ASS1: variants seen among roughly 807,000 people sequenced by gnomAD.
The protein encoded by ASS1 is argininosuccinate synthase.
In ASS1, 58 loss-of-function variants were observed where a neutral mutation model predicts 60.5. The observed-to-expected ratio is 0.96, with a 90% confidence interval of 0.78 to 1.19. The LOEUF (loss-of-function observed/expected upper bound fraction) is 1.19, where lower values mean the gene tolerates loss of function less well. Among genes scored for constraint, ASS1 ranks in the 50% most tolerant of loss-of-function variants. The pLI, the probability that ASS1 is intolerant of heterozygous loss-of-function variation, is 0.00. For missense variants in ASS1, 454 were observed against 547.3 expected, an observed-to-expected ratio of 0.83 and a Z score of 1.70; for synonymous variants, 200 against 206.9, an observed-to-expected ratio of 0.97 and a Z score of 0.29.
intron 13 of ASS1, among the ~76,000 whole-genome samples, chr9:130,495,851 C>A (rs1846588668): frequency 6.6e-6 from 1 of 151,944 alleles, no homozygotes; most frequent in Non-Finnish European, 1.5e-5. Flanking sequence ...GATGGAGGGT[C>A]CAGAATCACC....
At chr9:130,487,748 A>C in intron 11 of ASS1, among the ~76,000 whole-genome samples, 1 of 111,684 alleles carries the variant, frequency 9.0e-6, no homozygotes, top group Non-Finnish European at 2.0e-5. Flanking sequence ...ATGTGTCAGG[A>C]TTTCCTTCCT....
intron 8 of ASS1, among the ~76,000 whole-genome samples, chr9:130,474,578 T>A (rs544139475): frequency 6.6e-6 from 1 of 152,162 alleles, no homozygotes; most frequent in African/African-American, 2.4e-5. Context: ...TGTGGAGTTG[T>A]GTGGTCACCC....
intron 11 of ASS1, among the ~76,000 whole-genome samples, chr9:130,481,352 T>C (rs1846169095): frequency 6.6e-6 from 1 of 152,202 alleles, no homozygotes. Flanking sequence ...TGAATTTTTA[T>C]ACTGGTGGTG....
chr9:130,498,190 G>A (rs1274916886), intron 13 of ASS1, among the ~76,000 whole-genome samples: 1 of 152,180 alleles, frequency 6.6e-6, no homozygotes, highest in African/African-American at 2.4e-5. Flanking sequence ...TGTCTACAAA[G>A]AACCAGTCAG....
At chr9:130,449,505 A>C (rs1031085243) in intron 1 of ASS1, among the ~76,000 whole-genome samples, 1 of 152,044 alleles carries the variant, frequency 6.6e-6, no homozygotes, top group African/African-American at 2.4e-5. Context: ...AGGCAGGAGC[A>C]GGGGTGACTC....
intron 14 of ASS1, among the ~76,000 whole-genome samples, chr9:130,500,539 C>A (rs1846725316): frequency 6.6e-6 from 1 of 152,114 alleles, no homozygotes; most frequent in African/African-American, 2.4e-5. Context: ...AGTCTCTTGT[C>A]CCTGGAGGCA....
chr9:130,495,968 T>C (rs1348943691), intron 13 of ASS1, among the ~76,000 whole-genome samples: 1 of 152,032 alleles, frequency 6.6e-6, no homozygotes, highest in Non-Finnish European at 1.5e-5. Context: ...TGGGTTTCTT[T>C]TGAGATAGCT....
At position 130,501,231 on chromosome 9, in the gene ASS1, C is replaced by A; in HGVS notation, c.*210C>A. On this transcript the variant is annotated 3_prime_UTR_variant, in exon 15 of 15. Transcript: ENST00000352480. Reference sequence around the variant, plus strand: ...GGTGGGGGGCAGCTGCGGTGGGGAGCTATAAAAATGACAATTAAAAGAGAC... The same window carrying A: ...GGTGGGGGGCAGCTGCGGTGGGGAGATATAAAAATGACAATTAAAAGAGAC... 1 of 566,214 alleles carries A rather than the reference C, an allele frequency of 1.8e-6. No individual in the cohort carries two copies. Among genetic ancestry groups the A allele is most frequent in the South Asian group, 1.9e-5 (1 of 51,778 alleles). 35.1% of individuals were successfully genotyped at this position (566,214 alleles called of 1,614,324 possible).
chr9:130,458,881 C>T (rs751923327), intron 4 of ASS1, among the ~76,000 whole-genome samples: 4 of 152,206 alleles, frequency 2.6e-5, no homozygotes, highest in Non-Finnish European at 5.9e-5. Flanking sequence ...TGTCCAAGGT[C>T]GCATTGGCCA....
chr9:130,494,930 T>C lies in ASS1; in HGVS notation c.1034T>C (p.Val345Ala). Residue 345 changes from valine to alanine, a missense_variant, in exon 13 of 15, where the codon GTG becomes GCG. By Grantham distance (64) the Val-to-Ala change is moderately conservative. Transcript: ENST00000352480. The surrounding 1 kb of genome is among the most constrained non-coding windows in gnomAD (Gnocchi z 4.3). ...TGCATCGCCAAGTCCCAGGAGCGAG[T>C]GGAAGGGAAAGTGCAGGTGTCCGTC... Reference protein sequence around the residue: ...RHCIAKSQERVEGKVQVSVLK... With the variant: ...RHCIAKSQERAEGKVQVSVLK... 1 of 1,613,236 alleles carries C rather than the reference T, an allele frequency of 6.2e-7. No individual in the cohort carries two copies. The highest frequency in any genetic ancestry group is 8.5e-7 in the Non-Finnish European group (1 of 1,179,874).
In ASS1 at chr9:130,499,869, A is replaced by G. The variant is rs536913816; in HGVS notation, c.1193+299A>G. ...CCCGCTAAGCCACAGGGACTCCACT[A>G]TGAGCTCCTTTGCAGGGCAGGTTAA... is the stretch of plus-strand genomic sequence containing the variant. On this transcript the variant is annotated intron_variant, in intron 14 of 14. Coordinates refer to ENST00000352480, the MANE Select transcript of ASS1 (RefSeq NM_054012.4). Among the ~76,000 whole-genome samples the G allele has an allele frequency of 3.9e-5, 6 of 152,240 alleles. No individual in the cohort carries two copies. In the South Asian group the frequency reaches 1.2e-3, roughly 32 times the overall value.
intron 13 of ASS1, among the ~76,000 whole-genome samples, chr9:130,496,600 A>G (rs1846608813): frequency 6.8e-6 from 1 of 147,904 alleles, no homozygotes; most frequent in Non-Finnish European, 1.5e-5. Flanking sequence ...CTTTAAAAAA[A>G]AAAAAAAAAA....
At chr9:130,500,436 T>C (rs2118896494) in intron 14 of ASS1, among the ~76,000 whole-genome samples, 1 of 152,276 alleles carries the variant, frequency 6.6e-6, no homozygotes, top group South Asian at 2.1e-4. Context: ...AGCTCCCTTC[T>C]CATGGGGATT....
chr9:130,464,279 G>A (rs1033476984), intron 5 of ASS1, 112 bp downstream of exon 5: 55 of 1,340,116 alleles, frequency 4.1e-5, no homozygotes, highest in Non-Finnish European at 5.2e-5. Context: ...AATCTCCTCC[G>A]TGGCAGGGGT....
intron 11 of ASS1, among the ~76,000 whole-genome samples, chr9:130,482,180 C>T (rs1405655748): frequency 6.6e-6 from 1 of 152,018 alleles, no homozygotes; most frequent in Non-Finnish European, 1.5e-5. Flanking sequence ...ACAGCTTAGA[C>T]TGGAGTTGGA....
intron 4 of ASS1, among the ~76,000 whole-genome samples, chr9:130,461,008 ACT>A (rs943075973): frequency 6.8e-6 from 1 of 146,120 alleles, no homozygotes. Flanking sequence ...ACACAGCGAG[ACT>A]CTGTCCCAAA....
intron 11 of ASS1, among the ~76,000 whole-genome samples, chr9:130,487,439 A>G (rs1846330749): frequency 6.6e-6 from 1 of 151,198 alleles, no homozygotes; most frequent in Admixed American, 6.6e-5. Flanking sequence ...GGTAAAATAC[A>G]TGTAACATAA....
chr9:130,489,174 A>AT lies in ASS1; in HGVS notation c.839-155dup, dbSNP rs1320968608. Reference sequence around the variant, plus strand: ...CCAGCATGAACATAATGACAGATGCATTTTGCAGCAAGCTGGGAGTGAATG... The same window carrying AT: ...CCAGCATGAACATAATGACAGATGCATTTTTGCAGCAAGCTGGGAGTGAATG... On this transcript the variant is annotated intron_variant, in intron 11 of 14. Coordinates refer to ENST00000352480, the MANE Select transcript of ASS1 (RefSeq NM_054012.4). The surrounding 1 kb of genome is among the most constrained non-coding windows in gnomAD (Gnocchi z 4.1). Among the ~76,000 whole-genome samples the AT allele has an allele frequency of 4.0e-5, 6 of 151,658 alleles. No homozygotes were observed. The South Asian group carries it at 1.0e-3, about 26-fold the overall frequency.
intron 1 of ASS1, among the ~76,000 whole-genome samples, chr9:130,451,337 C>G (rs377559649): frequency 6.6e-6 from 1 of 152,158 alleles, no homozygotes; most frequent in Non-Finnish European, 1.5e-5. Context: ...TCTGTCCCCC[C>G]GGGAAGGGCC....
Sources: allele counts gnomAD v4.1 joint callset (sites outside exome capture counted in the v4.1 genomes callset), GRCh38; gene constraint gnomAD v4.1.1; non-coding constraint Gnocchi (gnomAD v3.1); transcripts MANE v1.5; gene names NCBI Gene and HGNC (gene_info 2026-07-23, HGNC 2026-07-21).